LDB2: variants seen among roughly 807,000 people sequenced by gnomAD.
LDB2 encodes LIM domain-binding protein 2.
LDB2 carries 12 observed loss-of-function variants against 44.3 expected under a neutral mutation model. The ratio of observed to expected loss-of-function variants is 0.27; its 90% confidence interval spans 0.17 to 0.44. LDB2 has a LOEUF of 0.44. Ranked by LOEUF, LDB2 falls within the 20% of genes least tolerant of loss-of-function variation. The pLI is 1.00. For synonymous variants in LDB2, 164 were observed against 174.8 expected (o/e 0.94, Z 0.49); for missense variants, 344 against 473.5 (o/e 0.73, Z 2.54).
At chr4:16,651,245 G>C (rs151191612) in intron 2 of LDB2, 2 of 152,278 alleles carry the variant, frequency 1.3e-5, no homozygotes, top group Admixed American at 1.3e-4. Context: ...GGAGTAAAAG[G>C]AGGCTAGTGT....
At chr4:16,773,592 T>C (rs908586802) in intron 1 of LDB2, among the ~76,000 whole-genome samples, 19 of 152,282 alleles carry the variant, frequency 1.2e-4, no homozygotes, top group Admixed American at 1.2e-3. Flanking sequence ...GCTCAGGCAG[T>C]AATGTGAGTG....
At chr4:16,651,842 C>G (rs1288981374) in intron 2 of LDB2, among the ~76,000 whole-genome samples, 2 of 152,120 alleles carry the variant, frequency 1.3e-5, no homozygotes, top group African/African-American at 4.8e-5. Context: ...ATGCTTTTAA[C>G]CAGGTGGGAG....
At chr4:16,557,876 A>C (rs1186673830) in intron 5 of LDB2, among the ~76,000 whole-genome samples, 1 of 152,232 alleles carries the variant, frequency 6.6e-6, no homozygotes, top group African/African-American at 2.4e-5. Context: ...AAACTTCCAG[A>C]GGAACGATCA....
At chr4:16,843,003 T>C (rs752615347) in intron 1 of LDB2, among the ~76,000 whole-genome samples, 5 of 152,202 alleles carry the variant, frequency 3.3e-5, no homozygotes, top group Non-Finnish European at 5.9e-5. Context: ...AAGAGCAATA[T>C]TGCCAACAGA....
At chr4:16,667,920 T>C (rs745579506) in intron 2 of LDB2, among the ~76,000 whole-genome samples, 25 of 152,142 alleles carry the variant, frequency 1.6e-4, no homozygotes, top group Non-Finnish European at 2.8e-4. Flanking sequence ...GGTCCTCTGC[T>C]CACCTTCCAC....
intron 1 of LDB2, among the ~76,000 whole-genome samples, chr4:16,877,703 T>A (rs1718852485): frequency 6.6e-6 from 1 of 152,226 alleles, no homozygotes; most frequent in African/African-American, 2.4e-5. Flanking sequence ...AGTGATGTCA[T>A]CAAAGCCTGA....
chr4:16,608,486 G>A (rs1560616592), intron 2 of LDB2, among the ~76,000 whole-genome samples: 1 of 152,194 alleles, frequency 6.6e-6, no homozygotes, highest in Non-Finnish European at 1.5e-5. Flanking sequence ...CTGGGCACCA[G>A]CTGTGGGGTA....
intron 2 of LDB2, among the ~76,000 whole-genome samples, chr4:16,660,153 C>T (rs1741158198): frequency 6.6e-6 from 1 of 152,020 alleles, no homozygotes; most frequent in South Asian, 2.1e-4. Context: ...AGAGATAGTG[C>T]CTACATTTTT....
chr4:16,655,101 T>G (rs1249765078), intron 2 of LDB2, among the ~76,000 whole-genome samples: 1 of 152,184 alleles, frequency 6.6e-6, no homozygotes, highest in African/African-American at 2.4e-5. Flanking sequence ...CTTCTCCCCA[T>G]GCAGAAATCT....
chr4:16,540,519 G>A (rs138534552), intron 5 of LDB2, among the ~76,000 whole-genome samples: 2 of 152,002 alleles, frequency 1.3e-5, no homozygotes, highest in Non-Finnish European at 2.9e-5. Flanking sequence ...CCCAACAACT[G>A]TCCCTTTCCA....
intron 1 of LDB2, among the ~76,000 whole-genome samples, chr4:16,782,740 T>C (rs1415183492): frequency 6.6e-6 from 1 of 152,198 alleles, no homozygotes; most frequent in Non-Finnish European, 1.5e-5. Flanking sequence ...ACTGATATTA[T>C]TAAGTGCCTA....
intron 1 of LDB2, among the ~76,000 whole-genome samples, chr4:16,852,244 C>T (rs958362501): frequency 2.6e-5 from 4 of 152,182 alleles, no homozygotes; most frequent in Non-Finnish European, 5.9e-5. Context: ...TTACCCAGAA[C>T]ATTAGAGCAT....
intron 1 of LDB2, among the ~76,000 whole-genome samples, chr4:16,802,449 G>A (rs1778022761): frequency 6.6e-6 from 1 of 152,178 alleles, no homozygotes; most frequent in Non-Finnish European, 1.5e-5. Flanking sequence ...TATGGATGGC[G>A]CTGGGGTGTA....
At chr4:16,570,587 G>C (rs1166516520) in intron 5 of LDB2, among the ~76,000 whole-genome samples, 1 of 143,544 alleles carries the variant, frequency 7.0e-6, no homozygotes, top group Non-Finnish European at 1.5e-5. Flanking sequence ...TTCAACTGAT[G>C]AAAAATACTA....
intron 1 of LDB2, among the ~76,000 whole-genome samples, chr4:16,863,739 C>G (rs543347197): frequency 5.4e-5 from 8 of 147,710 alleles, no homozygotes; most frequent in Non-Finnish European, 1.2e-4. Context: ...CGGCTCACTG[C>G]AAGCTCTGCC....
chr4:16,642,771 A>G (rs1471994566), intron 2 of LDB2, among the ~76,000 whole-genome samples: 1 of 152,200 alleles, frequency 6.6e-6, no homozygotes, highest in Non-Finnish European at 1.5e-5. Context: ...AGCAGACATT[A>G]TCTCTGCCTG....
At chr4:16,817,667 C>T (rs992293608) in intron 1 of LDB2, among the ~76,000 whole-genome samples, 21 of 152,264 alleles carry the variant, frequency 1.4e-4, no homozygotes, top group African/African-American at 2.4e-4. Flanking sequence ...AGGTCCTGTT[C>T]TAAGTACTTT....
intron 5 of LDB2, among the ~76,000 whole-genome samples, chr4:16,540,586 T>G (rs1733428202): frequency 6.6e-6 from 1 of 152,208 alleles, no homozygotes; most frequent in South Asian, 2.1e-4. Context: ...CCTTTGAGAA[T>G]CATTTATTGA....
At chr4:16,624,196 A>G (rs1052191770) in intron 2 of LDB2, among the ~76,000 whole-genome samples, 1 of 152,214 alleles carries the variant, frequency 6.6e-6, no homozygotes, top group African/African-American at 2.4e-5. Context: ...TATAGTAATC[A>G]TTGTTACACA....
Sources: gnomAD v4.1 joint callset for allele counts (sites outside exome capture counted in the v4.1 genomes callset) on GRCh38, gnomAD v4.1.1 for gene constraint, MANE v1.5 for transcripts, NCBI Gene and HGNC (gene_info 2026-07-23, HGNC 2026-07-21) for gene names.